Variants in PLA2G15 observed in about 807,000 individuals in gnomAD.
PLA2G15 encodes the protein phospholipase A2 group XV.
In PLA2G15, 20 loss-of-function variants were observed where a neutral mutation model predicts 40.9. The ratio of observed to expected loss-of-function variants is 0.49; its 90% CI spans 0.34 to 0.71. The LOEUF (loss-of-function observed/expected upper bound fraction) is 0.71, where lower values mean the gene tolerates loss of function less well. PLA2G15 is among the 30% of genes least tolerant of loss of function. The probability of loss-of-function intolerance (pLI) is 0.01; values close to 1 mark genes in which losing one functional copy is unlikely to be tolerated. For missense variants in PLA2G15, 471 were observed against 541.9 expected, an observed-to-expected ratio of 0.87 and a Z score of 1.30; for synonymous variants, 223 against 228.2, an observed-to-expected ratio of 0.98 and a Z score of 0.21.
At chr16:68,253,398 C>G (rs2042370565) in intron 2 of PLA2G15, 1 of 435,468 alleles carries the variant, frequency 2.3e-6, no homozygotes, top group Admixed American at 2.5e-5. Context: ...TTTTTTGAGA[C>G]AGAGTTTCGC....
At chr16:68,248,642 C>A in intron 1 of PLA2G15, 1 of 650,078 alleles carries the variant, frequency 1.5e-6, no homozygotes, top group Non-Finnish European at 2.0e-6. Context: ...TCACCTCGGC[C>A]TCCCAAAGTG....
Position 68,259,159 on chromosome 16 carries a change from G to A in PLA2G15, c.741G>A (p.Arg247=). The A allele has an allele frequency of 1.2e-6, 2 of 1,612,780 alleles. No homozygotes were observed. Among genetic ancestry groups the A allele is most frequent in the African/African-American group, 1.3e-5 (1 of 75,052 alleles). ...LRVLASGDNN[R]IPVIGPLKIR... is the part of the protein sequence containing the mutation. ...TTCTCCCTGCAGGAGACAACAACCG[G>A]ATCCCAGTCATCGGGCCCCTGAAGA... is the stretch of plus-strand genomic sequence containing the variant. The change falls in exon 6 of 6, where the codon CGG becomes CGA. Residue 247 remains arginine (R), a synonymous_variant. Transcript: ENST00000219345. This position sits in a 1 kb window ranked among gnomAD's most constrained non-coding sequence, Gnocchi z 6.5.
intron 2 of PLA2G15, chr16:68,250,388 A>C (rs1380200272): frequency 4.3e-6 from 1 of 234,130 alleles, no homozygotes; most frequent in Non-Finnish European, 8.6e-6. Flanking sequence ...CTTCTGCCTC[A>C]GCCTCCCAAG....
At chr16:68,251,675 C>G (rs564899739) in intron 2 of PLA2G15, among the ~76,000 whole-genome samples, 2 of 151,620 alleles carry the variant, frequency 1.3e-5, no homozygotes, top group East Asian at 1.9e-4. Flanking sequence ...GTACAAGACT[C>G]CATCTCAAAA....
intron 2 of PLA2G15, 143 bp from the exon 3 acceptor site, chr16:68,254,776 C>T (rs2042386891): frequency 1.5e-6 from 1 of 659,044 alleles, no homozygotes; most frequent in East Asian, 2.5e-5. Flanking sequence ...TATCAACCTG[C>T]TTTGTTACTT....
Position 68,248,873 on chromosome 16 carries a change from C to T in PLA2G15, c.128-417C>T, listed in dbSNP as rs372781507. ...AGACCAAGATCTCATTTAACAGATA[C>T]GGAAACTGAGGCCTAGTGTGGGGAG... On this transcript the variant is annotated intron_variant, in intron 1 of 5. Coordinates refer to ENST00000219345, the MANE Select transcript of PLA2G15 (RefSeq NM_012320.4). Among the ~76,000 whole-genome samples the T allele has an allele frequency of 1.2e-4, 19 of 152,312 alleles. No homozygotes were observed. The South Asian group carries it at 2.1e-3, about 17-fold the overall frequency.
At chr16:68,249,106 G>A in intron 1 of PLA2G15, among the ~76,000 whole-genome samples, 184 bp from the exon 2 acceptor site, 1 of 152,192 alleles carries the variant, frequency 6.6e-6, no homozygotes, top group East Asian at 1.9e-4. Context: ...CCTGGCCTTT[G>A]GGTCAAGGTC....
At chr16:68,250,305 T>G in intron 2 of PLA2G15, 1 of 364,326 alleles carries the variant, frequency 2.7e-6, no homozygotes, top group Non-Finnish European at 5.2e-6. Flanking sequence ...AGAGTCTTGC[T>G]CTGTCGCCCA....
intron 2 of PLA2G15, among the ~76,000 whole-genome samples, chr16:68,252,975 A>G (rs1247038007): frequency 6.6e-6 from 1 of 152,180 alleles, no homozygotes; most frequent in Non-Finnish European, 1.5e-5. Flanking sequence ...CCTGTCTCAA[A>G]AAAGAAGAAG....
chr16:68,249,346 C>T lies in PLA2G15; in HGVS notation c.184C>T (p.His62Tyr), dbSNP rs201256526. The change falls in exon 2 of 6, where the codon CAC (histidine) becomes TAC (tyrosine). Residue 62 changes from histidine to tyrosine, a missense_variant. Coordinates refer to ENST00000219345, the MANE Select transcript of PLA2G15 (RefSeq NM_012320.4). ...EAKLDKPTVV[H>Y]YLCSKKTESY... ...CAAGCTGGACAAGCCGACAGTGGTG[C>T]ACTACCTCTGCTCCAAGAAGACCGA... The T allele has an allele frequency of 8.7e-6, 14 of 1,613,866 alleles. No homozygotes were observed. Among genetic ancestry groups the T allele is most frequent in the Non-Finnish European group, 1.2e-5 (14 of 1,179,740 alleles).
At chr16:68,253,983 C>T (rs1212591046) in intron 2 of PLA2G15, among the ~76,000 whole-genome samples, 1 of 152,170 alleles carries the variant, frequency 6.6e-6, no homozygotes, top group South Asian at 2.1e-4. Context: ...GCCACTGCAC[C>T]CGGCCCCTGT....
chr16:68,251,913 T>C (rs1596945428), intron 2 of PLA2G15, among the ~76,000 whole-genome samples: 1 of 151,086 alleles, frequency 6.6e-6, no homozygotes, highest in African/African-American at 2.4e-5. Flanking sequence ...CTCCTCCAGG[T>C]GCCCTGGCCT....
chr16:68,247,591 C>T (rs2042319726), intron 1 of PLA2G15, among the ~76,000 whole-genome samples: 1 of 152,202 alleles, frequency 6.6e-6, no homozygotes, highest in Admixed American at 6.5e-5. Context: ...ACCAGGGTCT[C>T]TGCCCTGCCC....
chr16:68,256,724 G>T (rs901843146), intron 5 of PLA2G15, among the ~76,000 whole-genome samples: 7 of 151,970 alleles, frequency 4.6e-5, no homozygotes, highest in Non-Finnish European at 1.5e-5. Flanking sequence ...TGGCCAGGCT[G>T]GTCTTGAACT....
intron 5 of PLA2G15, among the ~76,000 whole-genome samples, chr16:68,257,182 C>T (rs879365849): frequency 8.5e-5 from 13 of 152,124 alleles, no homozygotes; most frequent in East Asian, 5.8e-4. Flanking sequence ...CCACCGCACC[C>T]GGCCAGATTT....
At chr16:68,251,556 C>A (rs916871557) in intron 2 of PLA2G15, among the ~76,000 whole-genome samples, 1 of 152,112 alleles carries the variant, frequency 6.6e-6, no homozygotes, top group Non-Finnish European at 1.5e-5. Flanking sequence ...GTGGCTCACG[C>A]CTGTAATCCC....
intron 2 of PLA2G15, among the ~76,000 whole-genome samples, chr16:68,250,057 C>T (rs951917854): frequency 2.0e-5 from 3 of 151,880 alleles, no homozygotes; most frequent in East Asian, 1.9e-4. Flanking sequence ...GTGCCTCGGC[C>T]TCCCCTACCT....
Position 68,259,729 on chromosome 16 carries a change from G to C in PLA2G15, c.*72G>C. 6.8e-7 allele frequency: 1 copy of C among 1,471,698 alleles called. No homozygotes were observed. The highest frequency in any genetic ancestry group is 9.2e-7 in the Non-Finnish European group (1 of 1,085,932). 91.2% of individuals were successfully genotyped at this position (1,471,698 alleles called of 1,614,324 possible). ...GGCCTCTGGGGCTGTCATGGCCCACGCGTTTTGCAAAGTTTGTGACTCACC... is the reference window on the plus strand; with the variant it reads ...GGCCTCTGGGGCTGTCATGGCCCACCCGTTTTGCAAAGTTTGTGACTCACC... On this transcript the variant is annotated 3_prime_UTR_variant, in exon 6 of 6. Coordinates refer to ENST00000219345, the MANE Select transcript of PLA2G15 (RefSeq NM_012320.4). This position sits in a 1 kb window ranked among gnomAD's most constrained non-coding sequence, Gnocchi z 6.5.
chr16:68,255,319 C>T lies in PLA2G15; in HGVS notation c.441C>T (p.Gly147=). 1 of 1,613,998 alleles carries T rather than the reference C, an allele frequency of 6.2e-7. No individual in the cohort carries two copies. Among genetic ancestry groups the T allele is most frequent in the Non-Finnish European group, 8.5e-7 (1 of 1,179,890 alleles). The change falls in exon 4 of 6, where the codon GGC becomes GGT. Residue 147 remains glycine (G), a synonymous_variant. Coordinates refer to ENST00000219345, the MANE Select transcript of PLA2G15 (RefSeq NM_012320.4). The surrounding 1 kb of genome is among the most constrained non-coding windows in gnomAD (Gnocchi z 5.9). ...YFHTMVESLV[G]WGYTRGEDVR... ...ACACCATGGTGGAGAGCCTTGTGGG[C>T]TGGGGCTACACACGGGGTGAGGATG...
Sources: allele counts gnomAD v4.1 joint callset (sites outside exome capture counted in the v4.1 genomes callset), GRCh38; gene constraint gnomAD v4.1.1; non-coding constraint Gnocchi (gnomAD v3.1); transcripts MANE v1.5; gene names NCBI Gene and HGNC (gene_info 2026-07-23, HGNC 2026-07-21).